The following ZNF395 variants were observed in gnomAD, a reference collection of about 807,000 sequenced individuals.
ZNF395 encodes zinc finger protein 395.
Under a neutral mutation model 57.7 loss-of-function variants are expected in ZNF395, and 20 were observed. That is an observed-to-expected ratio of 0.35 (90% CI 0.24 to 0.50). ZNF395 has a LOEUF of 0.50. Ranked by LOEUF, ZNF395 falls within the 20% of genes least tolerant of loss-of-function variation. The pLI, the probability that ZNF395 is intolerant of heterozygous loss-of-function variation, is 0.97. For missense variants in ZNF395, 606 were observed against 671.2 expected, an observed-to-expected ratio of 0.90 and a Z score of 1.07; for synonymous variants, 295 against 275.9, an observed-to-expected ratio of 1.07 and a Z score of -0.69.
At chr8:28,362,352 G>A (rs532663429) in intron 1 of ZNF395, among the ~76,000 whole-genome samples, 5 of 152,324 alleles carry the variant, frequency 3.3e-5, no homozygotes, top group Non-Finnish European at 7.3e-5. Context: ...CAGAGCACAC[G>A]TGGCTCCTCA....
rs542514955 is a variant in ZNF395, at chr8:28,351,826, C to A, written c.921-19G>T. 2.6e-6 allele frequency: 4 copies of A among 1,526,300 alleles called. No homozygotes were observed. The highest frequency in any genetic ancestry group is 3.5e-6 in the Non-Finnish European group (4 of 1,138,736). The allele number at this position is 1,526,300 out of a possible 1,614,324, so 94.5% of individuals were successfully genotyped here. On this transcript the variant is annotated intron_variant, in intron 6 of 9. Coordinates refer to ENST00000344423, the MANE Select transcript of ZNF395 (RefSeq NM_018660.3). ...TGTGTCCCTGTGTGGGAGGGAGATG[C>A]GGTATAATCAGGGGCACCCTGCCCC...
chr8:28,375,712 T>C (rs746972950), intron 1 of ZNF395, among the ~76,000 whole-genome samples: 3 of 152,182 alleles, frequency 2.0e-5, no homozygotes, highest in Non-Finnish European at 4.4e-5. Flanking sequence ...ATCTCTGTTG[T>C]GCTATGCAAG....
At chr8:28,370,283 T>G (rs1008247699) in intron 1 of ZNF395, among the ~76,000 whole-genome samples, 13 of 151,688 alleles carry the variant, frequency 8.6e-5, no homozygotes, top group Non-Finnish European at 1.5e-4. Context: ...TCAGCCTTAG[T>G]GACGAGAAGA....
At chr8:28,379,570 T>C (rs1160146180) in intron 1 of ZNF395, among the ~76,000 whole-genome samples, 3 of 152,108 alleles carry the variant, frequency 2.0e-5, no homozygotes, top group African/African-American at 2.4e-5. Flanking sequence ...ACTGAACTGA[T>C]GAACAACAGA....
chr8:28,351,512 C>T lies in ZNF395; in HGVS notation c.1216G>A (p.Ala406Thr). The change falls in exon 7 of 10, where the codon GCA becomes ACA. Residue 406 changes from alanine (A) to threonine (T), a missense_variant. Transcript: ENST00000344423. ...SAPGSFWHIQ[A>T]DHAYQALPSF... ...CCCCATACCTGGTATGCATGATCTG[C>T]CTGAATGTGCCAGAAGGACCCAGGA... is the stretch of plus-strand genomic sequence containing the variant. 6.2e-7 allele frequency: 1 copy of T among 1,608,668 alleles called. No homozygotes were observed. The highest frequency in any genetic ancestry group is 8.5e-7 in the Non-Finnish European group (1 of 1,175,972).
At chr8:28,374,324 TC>T (rs1366253949) in intron 1 of ZNF395, among the ~76,000 whole-genome samples, 1 of 152,130 alleles carries the variant, frequency 6.6e-6, no homozygotes. Flanking sequence ...GAACAGCAAG[TC>T]CATGAAAGTG....
chr8:28,361,935 T>C (rs1313688003), intron 1 of ZNF395, among the ~76,000 whole-genome samples: 3 of 151,458 alleles, frequency 2.0e-5, no homozygotes, highest in African/African-American at 7.3e-5. Flanking sequence ...CTACTAAAAA[T>C]ACAAAATTAG....
chr8:28,363,998 T>C (rs1332792076), intron 1 of ZNF395, among the ~76,000 whole-genome samples: 1 of 152,176 alleles, frequency 6.6e-6, no homozygotes, highest in Non-Finnish European at 1.5e-5. Context: ...TTATTTATAG[T>C]ACTCCCAAAT....
Position 28,351,708 on chromosome 8 carries a change from GGCAGCAGCA to G in ZNF395, c.1011_1019del (p.Ala339_Ala341del), listed in dbSNP as rs547945591. On this transcript the variant is annotated inframe_deletion, in exon 7 of 10. Transcript: ENST00000344423. ...GAGTCCCAGGGACTGGGGTGCCTGC[GGCAGCAGCA>G]GCAGCAGCAGCAGCAGATTCCTCCT... 1.9e-5 allele frequency: 30 copies of G among 1,608,836 alleles called. No individual in the cohort carries two copies. The highest frequency in any genetic ancestry group is 2.2e-5 in the East Asian group (1 of 44,864).
intron 1 of ZNF395, among the ~76,000 whole-genome samples, chr8:28,362,692 A>G (rs1003617521): frequency 6.6e-6 from 1 of 152,204 alleles, no homozygotes; most frequent in Non-Finnish European, 1.5e-5. Flanking sequence ...GTACCACACT[A>G]TCTCCACACC....
chr8:28,379,236 T>A (rs1802081183), intron 1 of ZNF395, among the ~76,000 whole-genome samples: 1 of 152,246 alleles, frequency 6.6e-6, no homozygotes, highest in Non-Finnish European at 1.5e-5. Context: ...CAAGTCTTCT[T>A]GCTCATATCC....
In ZNF395 at chr8:28,349,194, T is replaced by C; in HGVS notation, c.1361A>G (p.Gln454Arg). 1 of 1,560,772 alleles carries C rather than the reference T, an allele frequency of 6.4e-7. No individual in the cohort carries two copies. The highest frequency in any genetic ancestry group is 8.7e-7 in the Non-Finnish European group (1 of 1,153,582). ...AGATTTCATCGCAGGTGCTGGCTGC[T>C]GGGGCTCGCTGAAGCTTAGCGACCG... is the stretch of plus-strand genomic sequence containing the variant. ...RSRSLSFSEP[Q>R]QPAPAMKSHL... is the part of the protein sequence containing the mutation. The change falls in exon 9 of 10, where the codon CAG (glutamine) becomes CGG (arginine). Residue 454 changes from glutamine (Q) to arginine (R), a missense_variant. By Grantham distance (43) the Gln-to-Arg change is conservative. Transcript: ENST00000344423.
In ZNF395 at chr8:28,351,763, T is replaced by C. The variant is rs368062964; in HGVS notation, c.965A>G (p.Tyr322Cys). ...CTCCTTCAGCTGCACCTCTGTGTAGTAGAAATCCTCCTCCCGCTTGAACTG... is the reference window on the plus strand; with the variant it reads ...CTCCTTCAGCTGCACCTCTGTGTAGCAGAAATCCTCCTCCCGCTTGAACTG... ...SDQFKREEDF[Y>C]YTEVQLKEES... The change falls in exon 7 of 10, where the codon TAC becomes TGC. Residue 322 changes from tyrosine to cysteine, a missense_variant. Physicochemically the swap from Tyr to Cys is radical, Grantham distance 194. Coordinates refer to ENST00000344423, the MANE Select transcript of ZNF395 (RefSeq NM_018660.3). 4 of 1,593,698 alleles carry C rather than the reference T, an allele frequency of 2.5e-6. No homozygotes were observed. Among genetic ancestry groups the C allele is most frequent in the East Asian group, 2.2e-5 (1 of 44,762 alleles).
intron 1 of ZNF395, among the ~76,000 whole-genome samples, chr8:28,382,236 G>C (rs974161417): frequency 2.0e-5 from 3 of 152,228 alleles, no homozygotes; most frequent in South Asian, 2.1e-4. Context: ...CTCTTTAAAA[G>C]AGCTGCAAAT....
At chr8:28,374,005 T>A (rs2129985031) in intron 1 of ZNF395, among the ~76,000 whole-genome samples, 1 of 152,338 alleles carries the variant, frequency 6.6e-6, no homozygotes, top group Non-Finnish European at 1.5e-5. Context: ...TCACAGGTGC[T>A]ATAGAGGTCT....
rs760318862 is a variant in ZNF395 at position 28,348,797 on chromosome 8, C to T, written c.1464G>A (p.Lys488=). The part of the protein sequence containing the change: ...KARGEAKKCR[K]VYGIEHRDQW... ...GGTCCCGGTGCTCGATGCCATACAC[C>T]TTGCGGCACTTCTTAGCCTCCCCTC... The change falls in exon 10 of 10, where the codon AAG becomes AAA. Residue 488 remains lysine, a synonymous_variant. Transcript: ENST00000344423. The T allele has an allele frequency of 6.2e-7, 1 of 1,614,114 alleles. No individual in the cohort carries two copies. Among genetic ancestry groups the T allele is most frequent in the Non-Finnish European group, 8.5e-7 (1 of 1,180,026 alleles).
chr8:28,349,916 A>G (rs1801658251), intron 8 of ZNF395, 148 bp downstream of exon 8: 1 of 663,698 alleles, frequency 1.5e-6, no homozygotes, highest in African/African-American at 1.9e-5. Flanking sequence ...GCACAAGGAC[A>G]TCTTCAACAC....
At chr8:28,349,305 C>G in intron 8 of ZNF395, 77 bp from the exon 9 acceptor site, 1 of 1,183,372 alleles carries the variant, frequency 8.5e-7, no homozygotes, top group Non-Finnish European at 1.2e-6. Context: ...GACAGGCAGC[C>G]ACCCGTCCCC....
intron 1 of ZNF395, among the ~76,000 whole-genome samples, chr8:28,384,655 G>A (rs1802149701): frequency 1.3e-5 from 2 of 152,036 alleles, no homozygotes; most frequent in African/African-American, 4.8e-5. Context: ...TATCCCACCT[G>A]TTACTTTCTT....
Sources: gnomAD v4.1 joint callset for allele counts (sites outside exome capture counted in the v4.1 genomes callset) on GRCh38, gnomAD v4.1.1 for gene constraint, MANE v1.5 for transcripts, NCBI Gene and HGNC (gene_info 2026-07-23, HGNC 2026-07-21) for gene names.